MACROD2: variants seen among roughly 807,000 people sequenced by gnomAD.
MACROD2 encodes ADP-ribose glycohydrolase MACROD2.
A neutral mutation model predicts 70.4 loss-of-function variants in MACROD2; 36 were observed. That is an observed-to-expected ratio of 0.51 (90% CI 0.39 to 0.68). The LOEUF (loss-of-function observed/expected upper bound fraction) is 0.68. Among genes scored for constraint, MACROD2 ranks in the 30% least tolerant of loss-of-function variants. The pLI is 0.00. For missense variants in MACROD2, 496 were observed against 538.4 expected, an observed-to-expected ratio of 0.92 and a Z score of 0.78; for synonymous variants, 172 against 178.8, an observed-to-expected ratio of 0.96 and a Z score of 0.30.
rs13042137 is a variant in MACROD2 at position 14,149,459 on chromosome 20, G to A, written c.271+63731G>A. Among the ~76,000 whole-genome samples the A allele has an allele frequency of 3.2e-3, 485 of 152,204 alleles. 1 individual carries two copies. Among genetic ancestry groups the A allele is most frequent in the Non-Finnish European group, 5.5e-3 (371 of 68,006 alleles). ...ATAGGGCTGCAGTGAATCTACATAT[G>A]TACATACATTCAGTGGAACCATTTA... On this transcript the variant is annotated intron_variant, in intron 3 of 17. Coordinates refer to ENST00000684519, the MANE Select transcript of MACROD2 (RefSeq NM_001351661.2).
intron 5 of MACROD2, among the ~76,000 whole-genome samples, chr20:14,932,309 A>T (rs559339210): frequency 6.6e-6 from 1 of 152,222 alleles, no homozygotes; most frequent in South Asian, 2.1e-4. Flanking sequence ...CGTGACACTC[A>T]CTTTCAGCTA....
At chr20:15,621,721 G>A (rs1035476125) in intron 8 of MACROD2, among the ~76,000 whole-genome samples, 2 of 152,152 alleles carry the variant, frequency 1.3e-5, no homozygotes, top group Non-Finnish European at 2.9e-5. Context: ...CTCCAATACA[G>A]ATGACTTCCA....
chr20:14,764,051 T>G (rs204105), intron 5 of MACROD2, among the ~76,000 whole-genome samples: 11,608 of 152,096 alleles, frequency 0.076, 530 homozygotes, highest in Middle Eastern at 0.22. Flanking sequence ...CCCTTCTCTG[T>G]CCTATGTCTA....
chr20:14,004,736 G>A (rs2052788722), intron 2 of MACROD2, among the ~76,000 whole-genome samples: 1 of 152,102 alleles, frequency 6.6e-6, no homozygotes, highest in African/African-American at 2.4e-5. Context: ...AACGTTTTAA[G>A]TCATTGCTTA....
Position 15,819,045 on chromosome 20 carries a change from C to T in MACROD2, c.646-43700C>T, listed in dbSNP as rs77415622. 1.7e-3 allele frequency among the ~76,000 whole-genome samples: 257 copies of T among 151,934 alleles called. 1 individual carries two copies. The East Asian group carries it at 0.038, about 22-fold the overall frequency. On this transcript the variant is annotated intron_variant, in intron 8 of 17. Transcript: ENST00000684519. ...CCATGTGACGCAACAATCTCTCTGC[C>T]AGGTATATGCCCAAAGTAGATGAAA...
intron 5 of MACROD2, among the ~76,000 whole-genome samples, chr20:14,950,481 T>C (rs1286952490): frequency 6.6e-6 from 1 of 152,158 alleles, no homozygotes; most frequent in African/African-American, 2.4e-5. Flanking sequence ...AATTCTAGAA[T>C]ATTTTATCAA....
chr20:14,752,772 C>A (rs1405379374), intron 5 of MACROD2, among the ~76,000 whole-genome samples: 1 of 151,932 alleles, frequency 6.6e-6, no homozygotes. Flanking sequence ...TATCATGAGA[C>A]ACAGATTTTG....
At chr20:15,254,187 C>T (rs752367022) in intron 6 of MACROD2, among the ~76,000 whole-genome samples, 9 of 152,156 alleles carry the variant, frequency 5.9e-5, no homozygotes, top group Non-Finnish European at 8.8e-5. Flanking sequence ...TCTCTCCATG[C>T]CTTGTGAGGC....
intron 5 of MACROD2, among the ~76,000 whole-genome samples, chr20:15,040,318 A>G (rs74540308): frequency 2.5e-5 from 1 of 39,824 alleles, no homozygotes; most frequent in South Asian, 7.3e-4. Context: ...CCGTCTCAGG[A>G]AAAAAAAAAA....
At chr20:15,681,834 C>T (rs192238306) in intron 8 of MACROD2, among the ~76,000 whole-genome samples, 19 of 152,272 alleles carry the variant, frequency 1.2e-4, no homozygotes, top group Admixed American at 9.8e-4. Context: ...TGTTCAATTG[C>T]CAACATGCTT....
At chr20:15,344,423 T>G (rs1009129877) in intron 6 of MACROD2, among the ~76,000 whole-genome samples, 3 of 152,210 alleles carry the variant, frequency 2.0e-5, no homozygotes, top group Non-Finnish European at 2.9e-5. Context: ...TCTTCTGTGC[T>G]ACAGGCTTAG....
At chr20:14,118,781 T>C (rs2054544247) in intron 3 of MACROD2, among the ~76,000 whole-genome samples, 1 of 152,122 alleles carries the variant, frequency 6.6e-6, no homozygotes, top group African/African-American at 2.4e-5. Flanking sequence ...TTCATATTTC[T>C]TCCATTAGTT....
rs559954966 is a variant in MACROD2 at position 15,942,320 on chromosome 20, G to A, written c.907+4776G>A. On this transcript the variant is annotated intron_variant, in intron 12 of 17. Transcript: ENST00000684519. The stretch of plus-strand genomic sequence containing the variant: ...AGGGTGGGCAGGAGTTGAGCTGGGA[G>A]CATGAGATACTAGCAGGAAGAATGC... 3.3e-5 allele frequency among the ~76,000 whole-genome samples: 5 copies of A among 152,300 alleles called. No individual in the cohort carries two copies. In the South Asian group the frequency reaches 1.0e-3, roughly 32 times the overall value.
intron 6 of MACROD2, among the ~76,000 whole-genome samples, chr20:15,412,027 C>A (rs2046085673): frequency 6.6e-6 from 1 of 152,182 alleles, no homozygotes; most frequent in South Asian, 2.1e-4. Flanking sequence ...ACTCTCCTCC[C>A]TGCCTTCTCC....
intron 5 of MACROD2, among the ~76,000 whole-genome samples, chr20:15,016,271 C>A (rs2075120463): frequency 6.6e-6 from 1 of 152,162 alleles, no homozygotes; most frequent in African/African-American, 2.4e-5. Flanking sequence ...GGGTGGAGGA[C>A]AGCAGGGTGC....
At chr20:15,351,611 C>A (rs1247406953) in intron 6 of MACROD2, among the ~76,000 whole-genome samples, 2 of 152,160 alleles carry the variant, frequency 1.3e-5, no homozygotes, top group East Asian at 3.8e-4. Flanking sequence ...AAAGTCATAG[C>A]TGTGAGGATA....
intron 8 of MACROD2, among the ~76,000 whole-genome samples, chr20:15,725,543 C>T (rs1169404320): frequency 6.6e-6 from 1 of 151,958 alleles, no homozygotes; most frequent in Non-Finnish European, 1.5e-5. Flanking sequence ...ATTCTTATTT[C>T]TCTTTTCCCA....
At chr20:14,217,182 T>C (rs2081630299) in intron 3 of MACROD2, among the ~76,000 whole-genome samples, 1 of 152,190 alleles carries the variant, frequency 6.6e-6, no homozygotes, top group African/African-American at 2.4e-5. Context: ...GTATGTCCCT[T>C]GTATGCCGAT....
chr20:14,606,827 T>C (rs1177193025), intron 4 of MACROD2, among the ~76,000 whole-genome samples: 1 of 152,208 alleles, frequency 6.6e-6, no homozygotes, highest in Non-Finnish European at 1.5e-5. Context: ...CTTCATTTCA[T>C]GGTATTATCT....
Sources: allele counts gnomAD v4.1 joint callset (sites outside exome capture counted in the v4.1 genomes callset), GRCh38; gene constraint gnomAD v4.1.1; transcripts MANE v1.5; gene names NCBI Gene and HGNC (gene_info 2026-07-23, HGNC 2026-07-21).